Variants in PAK4 observed in about 807,000 individuals in gnomAD.
The protein encoded by PAK4 is p21 (RAC1) activated kinase 4.
Under a neutral mutation model 53.5 loss-of-function variants are expected in PAK4, and 49 were observed. That is an observed-to-expected ratio of 0.92 (90% CI 0.73 to 1.16). The LOEUF is 1.16. Ranked by LOEUF, PAK4 falls within the 50% of genes most tolerant of loss-of-function variation. The probability of loss-of-function intolerance (pLI) is 0.00; values close to 1 mark genes in which losing one functional copy is unlikely to be tolerated. For missense variants in PAK4, 824 were observed against 850.7 expected, an observed-to-expected ratio of 0.97 and a Z score of 0.39; for synonymous variants, 376 against 375.6, an observed-to-expected ratio of 1.00 and a Z score of -0.01.
In PAK4 at chr19:39,173,353, G is replaced by A; in HGVS notation, c.640G>A (p.Asp214Asn). 6.5e-7 allele frequency: 1 copy of A among 1,548,928 alleles called. No homozygotes were observed. Among genetic ancestry groups the A allele is most frequent in the Non-Finnish European group, 8.7e-7 (1 of 1,145,048 alleles). ...TAACACCTACCCGAGGGCTGACACG[G>A]ACCACCCATCCCGGGGTGCCCAGGT... Residue 214 changes from aspartate to asparagine, a missense_variant, in exon 3 of 9, where the codon GAC becomes AAC. Transcript: ENST00000358301. This position sits in a 1 kb window ranked among gnomAD's most constrained non-coding sequence, Gnocchi z 6.9.
At chr19:39,146,660 G>A (rs912028850) in intron 1 of PAK4, among the ~76,000 whole-genome samples, 3 of 151,972 alleles carry the variant, frequency 2.0e-5, no homozygotes, top group African/African-American at 7.3e-5. Context: ...GGCAACCTGG[G>A]GAGACACCAT....
intron 1 of PAK4, among the ~76,000 whole-genome samples, chr19:39,145,181 C>G (rs1455785420): frequency 6.6e-6 from 1 of 152,204 alleles, no homozygotes; most frequent in African/African-American, 2.4e-5. Context: ...TGACCACCCT[C>G]AGGCCCGCTG....
chr19:39,164,119 A>G (rs561388705), intron 1 of PAK4, among the ~76,000 whole-genome samples: 1 of 152,144 alleles, frequency 6.6e-6, no homozygotes, highest in Non-Finnish European at 1.5e-5. Context: ...TCTACTAAGA[A>G]TACATAAATT....
Position 39,178,603 on chromosome 19 carries a change from CA to C in PAK4, c.*27del. 6.5e-7 allele frequency: 1 copy of C among 1,550,108 alleles called. No individual in the cohort carries two copies. The stretch of plus-strand genomic sequence containing the variant: ...GAGGCCCAGCGCCCTTCCCCTCAAC[CA>C]AAGAGCCCCCCGGGTCACCCCCGCC... On this transcript the variant is annotated 3_prime_UTR_variant, in exon 9 of 9. Transcript: ENST00000358301. This position sits in a 1 kb window ranked among gnomAD's most constrained non-coding sequence, Gnocchi z 4.4.
At chr19:39,152,481 CT>C (rs2074108736) in intron 1 of PAK4, 2 of 152,078 alleles carry the variant, frequency 1.3e-5, no homozygotes, top group Non-Finnish European at 2.9e-5. Flanking sequence ...CTGTAAAGTG[CT>C]TCCTTTAAGT....
intron 2 of PAK4, among the ~76,000 whole-genome samples, chr19:39,171,659 C>T (rs1316191700): frequency 6.6e-6 from 1 of 152,210 alleles, no homozygotes; most frequent in Non-Finnish European, 1.5e-5. Flanking sequence ...CTACACGTTA[C>T]AGGCAGGCCT....
At chr19:39,140,357 A>C (rs2073889725) in intron 1 of PAK4, among the ~76,000 whole-genome samples, 1 of 152,038 alleles carries the variant, frequency 6.6e-6, no homozygotes, top group African/African-American at 2.4e-5. Context: ...TGACACGTGG[A>C]GTCTGGGGCT....
Position 39,173,790 on chromosome 19 carries a change from A to C in PAK4, c.878A>C (p.Gln293Pro), listed in dbSNP as rs935744898. 2 of 1,607,110 alleles carry C rather than the reference A, an allele frequency of 1.2e-6. No individual in the cohort carries two copies. Among genetic ancestry groups the C allele is most frequent in the Non-Finnish European group, 1.7e-6 (2 of 1,178,156 alleles). ...GGGCCCCCTGGCCCCCGCTCACCAC[A>C]GCGGGAGCCACAGCGAGTATCCCAT... Residue 293 changes from glutamine to proline, a missense_variant, in exon 4 of 9, where the codon CAG becomes CCG. Physicochemically the swap from Gln to Pro is moderately conservative, Grantham distance 76 (BLOSUM62 -1). This residue lies in a region of PAK4 where 478 missense variants were observed against 435.8 expected (regional missense o/e 1.10). Transcript: ENST00000358301. This position sits in a 1 kb window ranked among gnomAD's most constrained non-coding sequence, Gnocchi z 6.9.
chr19:39,138,695 C>T (rs983471494), intron 1 of PAK4, among the ~76,000 whole-genome samples: 8 of 152,198 alleles, frequency 5.3e-5, no homozygotes, highest in East Asian at 1.9e-4. Context: ...TCCCTGGTAC[C>T]GCCCCTGGAC....
chr19:39,176,402 G>A, intron 6 of PAK4, 188 bp from the exon 8 acceptor site: 2 of 714,742 alleles, frequency 2.8e-6, no homozygotes, highest in Non-Finnish European at 2.4e-6. Context: ...TTGCCCGAGG[G>A]CCCCCACCAG....
intron 1 of PAK4, among the ~76,000 whole-genome samples, chr19:39,128,390 A>G (rs1257617619): frequency 6.6e-6 from 1 of 152,080 alleles, no homozygotes. Context: ...TGGCTCTGGC[A>G]GGGTCAGGGA....
downstream of PAK4, chr19:39,181,964 G>C (rs1045127898): frequency 6.6e-6 from 1 of 152,248 alleles, no homozygotes; most frequent in Non-Finnish European, 1.5e-5. Context: ...TACTGGACAC[G>C]CAAATAAATC....
intron 4 of PAK4, 143 bp downstream of exon 5, chr19:39,174,153 G>A (rs930719930): frequency 3.8e-5 from 24 of 629,132 alleles, no homozygotes; most frequent in South Asian, 2.5e-4. Flanking sequence ...TCCCCAGGCC[G>A]TCTCGTCCGC....
Position 39,176,585 on chromosome 19 carries a change from C to T in PAK4, c.1360-5C>T, listed in dbSNP as rs749762748. 2.5e-6 allele frequency: 4 copies of T among 1,613,752 alleles called. No homozygotes were observed. Among genetic ancestry groups the T allele is most frequent in the Non-Finnish European group, 3.4e-6 (4 of 1,180,002 alleles). On this transcript the variant is annotated splice_polypyrimidine_tract_variant and splice_region_variant and intron_variant, in intron 6 of 8. Coordinates refer to ENST00000358301, the Ensembl canonical transcript of PAK4. The stretch of plus-strand genomic sequence containing the variant: ...TCTGACCCCACTGCCTCTGCCCTGT[C>T]CCAGGTGAAGCTGTCAGACTTTGGG...
exon 2 of PAK4, chr19:39,169,600 A>C (rs1225560068): frequency 3.1e-6 from 5 of 1,611,016 alleles, no homozygotes; most frequent in Non-Finnish European, 4.2e-6. Context: ...GCGCCGTCCA[A>C]CTTCGAGCAC....
intron 1 of PAK4, chr19:39,135,213 G>GT (rs1296412868): frequency 6.6e-6 from 1 of 150,912 alleles, no homozygotes; most frequent in Non-Finnish European, 1.5e-5. Context: ...TCCTGCAAAA[G>GT]TAACACCACT....
intron 1 of PAK4, among the ~76,000 whole-genome samples, chr19:39,141,660 AGTCT>A (rs2073911924): frequency 1.3e-5 from 2 of 150,612 alleles, no homozygotes; most frequent in African/African-American, 4.9e-5. Context: ...TTTGAGACAG[AGTCT>A]CACTCTGTCT....
rs1264355342 is a variant in PAK4, at chr19:39,173,666, C to T, written c.754C>T (p.Arg252Ter). The T allele has an allele frequency of 7.6e-6, 12 of 1,587,496 alleles. No homozygotes were observed. Among genetic ancestry groups the T allele is most frequent in the Admixed American group, 1.7e-5 (1 of 57,820 alleles). ...CTCCTCCTCCTCCCGGCCTCCCACCCGAGCCCGAGGTGCCCCCAGCCCTGG... is the reference window on the plus strand; with the variant it reads ...CTCCTCCTCCTCCCGGCCTCCCACCTGAGCCCGAGGTGCCCCCAGCCCTGG... The change falls in exon 4 of 9, where the codon CGA becomes TGA. Residue 252 changes from arginine (R) to a stop codon, truncating the protein, a stop_gained. Transcript: ENST00000358301. LOFTEE classifies it high-confidence loss of function. The surrounding 1 kb of genome is among the most constrained non-coding windows in gnomAD (Gnocchi z 6.9).
chr19:39,178,358 C>G lies in PAK4; in HGVS notation c.1621-66C>G. 6.6e-7 allele frequency: 1 copy of G among 1,525,936 alleles called. No individual in the cohort carries two copies. Among genetic ancestry groups the G allele is most frequent in the Non-Finnish European group, 8.8e-7 (1 of 1,131,364 alleles). The allele number at this position is 1,525,936 out of a possible 1,614,324, so 94.5% of individuals were successfully genotyped here. ...CCAGCCGACTTGGCAGAGGCGGACA[C>G]TGCAGCCCTACAGCAAATGAACAGT... is the stretch of plus-strand genomic sequence containing the variant. On this transcript the variant is annotated intron_variant, in intron 8 of 8. Transcript: ENST00000358301. This position sits in a 1 kb window ranked among gnomAD's most constrained non-coding sequence, Gnocchi z 4.4.
Sources: allele counts gnomAD v4.1 joint callset (sites outside exome capture counted in the v4.1 genomes callset), GRCh38; gene constraint gnomAD v4.1.1; regional missense constraint gnomAD v4.1.1; non-coding constraint Gnocchi (gnomAD v3.1); transcripts MANE v1.5; gene names NCBI Gene and HGNC (gene_info 2026-07-23, HGNC 2026-07-21).